AOX1: variants seen among roughly 807,000 people sequenced by gnomAD.
AOX1 encodes aldehyde oxidase.
Under a neutral mutation model 169.5 loss-of-function variants are expected in AOX1, and 153 were observed. The ratio of observed to expected loss-of-function variants is 0.90; its 90% CI spans 0.79 to 1.03. The LOEUF is 1.03. AOX1 is among the 50% of genes least tolerant of loss of function. The pLI, the probability that AOX1 is intolerant of heterozygous loss-of-function variation, is 0.00. For missense variants in AOX1, 1,656 were observed against 1,663.9 expected (o/e 1.00, Z 0.08); for synonymous variants, 562 against 581.9 (o/e 0.97, Z 0.49).
intron 26 of AOX1, among the ~76,000 whole-genome samples, chr2:200,651,671 G>T (rs2035582171): frequency 6.6e-6 from 1 of 152,174 alleles, no homozygotes; most frequent in African/African-American, 2.4e-5. Flanking sequence ...ATTAAATTCA[G>T]AAAAATAAAT....
At chr2:200,631,101 C>A (rs2035117215) in intron 20 of AOX1, among the ~76,000 whole-genome samples, 1 of 152,104 alleles carries the variant, frequency 6.6e-6, no homozygotes, top group African/African-American at 2.4e-5. Context: ...AGAATGCGTT[C>A]TTGGAGGGAG....
intron 16 of AOX1, among the ~76,000 whole-genome samples, chr2:200,618,627 G>A (rs1482342633): frequency 6.6e-6 from 1 of 152,108 alleles, no homozygotes; most frequent in Non-Finnish European, 1.5e-5. Flanking sequence ...CCACCTGCCT[G>A]GAGAATCTCT....
chr2:200,651,646 G>A (rs965645816), intron 26 of AOX1, among the ~76,000 whole-genome samples: 1 of 152,098 alleles, frequency 6.6e-6, no homozygotes, highest in East Asian at 1.9e-4. Flanking sequence ...ACTCCTTCTG[G>A]GTGGGTTGGA....
Position 200,595,358 on chromosome 2 carries a change from A to G in AOX1, c.190A>G (p.Lys64Glu). The change falls in exon 3 of 35, where the codon AAG becomes GAG. Residue 64 changes from lysine (K) to glutamate (E), a missense_variant. Transcript: ENST00000374700. ...VMISRYNPITKRIRHHPANAC... is the reference protein window; with the variant it reads ...VMISRYNPITERIRHHPANAC... ...GATATCACGATACAACCCCATCACCAAGAGGATAAGGTACCGTGCAGCAAA... is the reference window on the plus strand; with the variant it reads ...GATATCACGATACAACCCCATCACCGAGAGGATAAGGTACCGTGCAGCAAA... 1 of 1,612,290 alleles carries G rather than the reference A, an allele frequency of 6.2e-7. No individual in the cohort carries two copies. Among genetic ancestry groups the G allele is most frequent in the Non-Finnish European group, 8.5e-7 (1 of 1,178,802 alleles).
downstream of AOX1, among the ~76,000 whole-genome samples, chr2:200,671,777 C>T (rs1272412741): frequency 2.0e-5 from 3 of 152,090 alleles, no homozygotes; most frequent in Non-Finnish European, 4.4e-5. Context: ...ACATAGTTAA[C>T]ATAGAAGTTA....
At chr2:200,615,840 T>G (rs2034743928) in intron 15 of AOX1, 131 bp from the exon 16 acceptor site, 1 of 644,964 alleles carries the variant, frequency 1.6e-6, no homozygotes, top group African/African-American at 1.8e-5. Context: ...GGGTTCTGAA[T>G]AGGGTGAGTG....
intron 1 of AOX1, among the ~76,000 whole-genome samples, chr2:200,587,138 CAAA>C (rs370741447): frequency 6.7e-6 from 1 of 150,178 alleles, no homozygotes; most frequent in African/African-American, 2.5e-5. Context: ...ACAACAACAA[CAAA>C]AAAAAACCGG....
At chr2:200,636,380 T>G (rs1362509853) in intron 21 of AOX1, among the ~76,000 whole-genome samples, 1 of 152,006 alleles carries the variant, frequency 6.6e-6, no homozygotes, top group Non-Finnish European at 1.5e-5. Flanking sequence ...CTGCCTGACT[T>G]GGACTCCCAA....
downstream of AOX1, among the ~76,000 whole-genome samples, chr2:200,677,378 C>A (rs1301698283): frequency 2.0e-5 from 3 of 152,180 alleles, no homozygotes; most frequent in Non-Finnish European, 4.4e-5. Flanking sequence ...TTCATCCAAG[C>A]CATCAGGCAT....
At chr2:200,616,096 A>T (rs766852129) in intron 16 of AOX1, 33 bp downstream of exon 16, 16 of 1,483,492 alleles carry the variant, frequency 1.1e-5, no homozygotes, top group Non-Finnish European at 1.4e-5. Flanking sequence ...AAAAATTCAC[A>T]ATCTGGGCTA....
intron 26 of AOX1, among the ~76,000 whole-genome samples, chr2:200,652,836 A>G (rs7586707): frequency 0.7 from 105,775 of 152,072 alleles, 37,011 homozygotes; most frequent in Non-Finnish European, 0.71. Context: ...AGGCCAAGAC[A>G]GGAGAATTGC....
intron 19 of AOX1, among the ~76,000 whole-genome samples, chr2:200,625,810 A>G (rs945107395): frequency 8.5e-5 from 13 of 152,232 alleles, no homozygotes; most frequent in African/African-American, 2.9e-4. Flanking sequence ...AGAAAAGCAC[A>G]TGAACAGATT....
chr2:200,663,924 C>G (rs930711592), intron 31 of AOX1, among the ~76,000 whole-genome samples: 5 of 152,134 alleles, frequency 3.3e-5, no homozygotes, highest in African/African-American at 1.2e-4. Context: ...TATAGTCAAC[C>G]TAATCTCTGA....
At chr2:200,621,026 A>G in intron 17 of AOX1, 94 bp from the exon 18 acceptor site, 1 of 1,444,592 alleles carries the variant, frequency 6.9e-7, no homozygotes, top group Non-Finnish European at 9.4e-7. Flanking sequence ...AGACTGTTGG[A>G]CAGTTCTTAC....
In AOX1 at chr2:200,668,712, A is replaced by G. The variant is rs986208209; in HGVS notation, c.3707A>G (p.Tyr1236Cys). 1.9e-6 allele frequency: 3 copies of G among 1,614,226 alleles called. No individual in the cohort carries two copies. The highest frequency in any genetic ancestry group is 3.3e-5 in the Admixed American group (2 of 60,030). ...GILHTRGPDQ[Y>C]KIPAICDMPT... Reference sequence around the variant, plus strand: ...CTGCACACTCGTGGTCCAGACCAATATAAAATCCCTGCCATCTGTGACATG... The same window carrying G: ...CTGCACACTCGTGGTCCAGACCAATGTAAAATCCCTGCCATCTGTGACATG... Residue 1236 changes from tyrosine to cysteine, a missense_variant, in exon 33 of 35, where the codon TAT becomes TGT. Tyr to Cys is a radical substitution (Grantham distance 194, BLOSUM62 -2). Coordinates refer to ENST00000374700, the MANE Select transcript of AOX1 (RefSeq NM_001159.4).
chr2:200,654,206 C>CAAAAAAAA (rs60045401), intron 26 of AOX1, among the ~76,000 whole-genome samples: 3 of 84,764 alleles, frequency 3.5e-5, no homozygotes, highest in African/African-American at 1.3e-4. Context: ...GACCCTGTCT[C>CAAAAAAAA]AAAAAAAAAA....
At chr2:200,670,360 C>T (rs1275082440) in intron 34 of AOX1, among the ~76,000 whole-genome samples, 3 of 152,196 alleles carry the variant, frequency 2.0e-5, no homozygotes, top group African/African-American at 7.2e-5. Flanking sequence ...ATGGTTTTCC[C>T]TAAGCCCCTG....
chr2:200,627,476 C>T (rs947662565), intron 20 of AOX1, 27 bp downstream of exon 20: 9 of 1,489,756 alleles, frequency 6.0e-6, no homozygotes, highest in Non-Finnish European at 8.4e-6. Flanking sequence ...GAGTAAACAA[C>T]CCTGGAAGTC....
At chr2:200,601,858 G>A (rs532721188) in intron 5 of AOX1, among the ~76,000 whole-genome samples, 6 of 152,136 alleles carry the variant, frequency 3.9e-5, no homozygotes, top group East Asian at 3.9e-4. Context: ...GCTTGAACCC[G>A]GAAGGTGGAA....
Sources: allele counts gnomAD v4.1 joint callset (sites outside exome capture counted in the v4.1 genomes callset), GRCh38; gene constraint gnomAD v4.1.1; transcripts MANE v1.5; gene names NCBI Gene and HGNC (gene_info 2026-07-23, HGNC 2026-07-21).